Variants in ASXL3 observed in about 807,000 individuals in gnomAD.
ASXL3 encodes the protein putative Polycomb group protein ASXL3.
A neutral mutation model predicts 170.6 loss-of-function variants in ASXL3; 34 were observed. That is an observed-to-expected ratio of 0.20 (90% CI 0.15 to 0.27). The LOEUF (loss-of-function observed/expected upper bound fraction) is 0.27, where lower values mean the gene tolerates loss of function less well. Ranked by LOEUF, ASXL3 falls within the 10% of genes least tolerant of loss-of-function variation. The pLI is 1.00. For missense variants in ASXL3, 2,592 were observed against 2,695.3 expected (o/e 0.96, Z 0.85); for synonymous variants, 1,002 against 989.1 (o/e 1.01, Z -0.24).
At chr18:33,614,286 A>G (rs1371213218) in intron 2 of ASXL3, 1 of 152,192 alleles carries the variant, frequency 6.6e-6, no homozygotes, top group Non-Finnish European at 1.5e-5. Context: ...TATCTTCACC[A>G]GAAGAGGATT....
At chr18:33,638,983 G>A (rs959268026) in intron 2 of ASXL3, among the ~76,000 whole-genome samples, 2 of 152,088 alleles carry the variant, frequency 1.3e-5, no homozygotes, top group Non-Finnish European at 2.9e-5. Flanking sequence ...TTGATACTGA[G>A]ATGAAAATGA....
intron 1 of ASXL3, among the ~76,000 whole-genome samples, chr18:33,599,044 A>T (rs1213730540): frequency 1.3e-5 from 2 of 152,164 alleles, no homozygotes; most frequent in African/African-American, 2.4e-5. Flanking sequence ...ACTGCATTTT[A>T]AAAAAGAGAA....
intron 4 of ASXL3, among the ~76,000 whole-genome samples, chr18:33,656,460 G>A (rs1466677776): frequency 1.3e-5 from 2 of 152,074 alleles, no homozygotes; most frequent in Non-Finnish European, 2.9e-5. Flanking sequence ...GGGACAGAGA[G>A]CAATTAATAG....
At chr18:33,719,314 C>T (rs1179631033) in intron 8 of ASXL3, among the ~76,000 whole-genome samples, 6 of 151,912 alleles carry the variant, frequency 3.9e-5, no homozygotes, top group East Asian at 1.9e-4. Context: ...ATAAATGCCT[C>T]GGAGAGTCCT....
intron 1 of ASXL3, among the ~76,000 whole-genome samples, chr18:33,580,686 C>T (rs1372939888): frequency 3.9e-5 from 6 of 152,086 alleles, no homozygotes; most frequent in African/African-American, 1.4e-4. Context: ...ATTTCTAAGT[C>T]ACAGGTTTTT....
chr18:33,733,928 T>A (rs2067497023), intron 9 of ASXL3, among the ~76,000 whole-genome samples: 1 of 152,156 alleles, frequency 6.6e-6, no homozygotes, highest in South Asian at 2.1e-4. Flanking sequence ...TTATTATGGC[T>A]TATACAGGGC....
In ASXL3 at chr18:33,747,910, A is replaced by T. The variant is rs1179218368; in HGVS notation, c.*1315A>T. On this transcript the variant is annotated 3_prime_UTR_variant, in exon 12 of 12. Transcript: ENST00000269197. ...GTGTTGAGTATTTGAGCTACATTCC[A>T]TATATTTTGGCCACCCTCATACCAG... 1 of 152,172 alleles carries T rather than the reference A, an allele frequency of 6.6e-6. No homozygotes were observed. Among genetic ancestry groups the T allele is most frequent in the Non-Finnish European group, 1.5e-5 (1 of 68,042 alleles). 9.4% of individuals were successfully genotyped at this position (152,172 alleles called of 1,614,324 possible).
At chr18:33,614,001 G>T (rs899732717) in intron 2 of ASXL3, among the ~76,000 whole-genome samples, 1 of 152,108 alleles carries the variant, frequency 6.6e-6, no homozygotes, top group African/African-American at 2.4e-5. Context: ...TTGTCTTGAT[G>T]TTGATGGCTG....
intron 4 of ASXL3, among the ~76,000 whole-genome samples, chr18:33,658,262 A>G (rs1355324735): frequency 6.6e-6 from 1 of 152,166 alleles, no homozygotes; most frequent in Non-Finnish European, 1.5e-5. Flanking sequence ...GCAACTGTTT[A>G]AAATGAGTCC....
chr18:33,633,915 A>G (rs1318065993), intron 2 of ASXL3, among the ~76,000 whole-genome samples: 1 of 152,130 alleles, frequency 6.6e-6, no homozygotes, highest in African/African-American at 2.4e-5. Context: ...AAAGAATTCT[A>G]TAGAATATTA....
intron 4 of ASXL3, among the ~76,000 whole-genome samples, chr18:33,646,891 G>C (rs78550341): frequency 7.6e-6 from 1 of 132,188 alleles, no homozygotes; most frequent in Non-Finnish European, 1.6e-5. Context: ...GGGGGGGGGG[G>C]GCATTTTTCA....
Position 33,739,039 on chromosome 18 carries a change from T to C in ASXL3, c.1635T>C (p.Pro545=). ...TAGAAGTCTGTGACTCTCTTATTCCTTCCACTTCATCTATGACTCATGTCA... is the reference window on the plus strand; with the variant it reads ...TAGAAGTCTGTGACTCTCTTATTCCCTCCACTTCATCTATGACTCATGTCA... The part of the protein sequence containing the change: ...DQLEVCDSLI[P]STSSMTHVSD... Residue 545 remains proline, a synonymous_variant, in exon 11 of 12, where the codon CCT becomes CCC. Coordinates refer to ENST00000269197, the MANE Select transcript of ASXL3 (RefSeq NM_030632.3). The C allele has an allele frequency of 1.2e-6, 2 of 1,613,476 alleles. No homozygotes were observed. Among genetic ancestry groups the C allele is most frequent in the Non-Finnish European group, 1.7e-6 (2 of 1,179,662 alleles).
At chr18:33,700,107 T>A (rs1346380089) in intron 8 of ASXL3, among the ~76,000 whole-genome samples, 1 of 152,108 alleles carries the variant, frequency 6.6e-6, no homozygotes, top group Non-Finnish European at 1.5e-5. Context: ...TAGGGGTAAC[T>A]GGAACAGCAT....
intron 2 of ASXL3, among the ~76,000 whole-genome samples, chr18:33,641,981 TTAAAAA>T (rs751138621): frequency 1.3e-5 from 2 of 151,994 alleles, no homozygotes; most frequent in Non-Finnish European, 2.9e-5. Flanking sequence ...GTTGAATAAA[TTAAAAA>T]TAAGAACCAT....
chr18:33,591,686 G>T (rs2065079520), intron 1 of ASXL3, among the ~76,000 whole-genome samples: 1 of 150,874 alleles, frequency 6.6e-6, no homozygotes, highest in Non-Finnish European at 1.5e-5. Context: ...CTGTCGCCCA[G>T]GCTGGAGTGC....
intron 4 of ASXL3, among the ~76,000 whole-genome samples, chr18:33,648,277 GTGT>G (rs1159795691): frequency 6.6e-6 from 1 of 152,076 alleles, no homozygotes; most frequent in Non-Finnish European, 1.5e-5. Flanking sequence ...TAGAGGAGAG[GTGT>G]TGTTGATTTG....
intron 8 of ASXL3, among the ~76,000 whole-genome samples, chr18:33,687,218 G>T (rs1322051115): frequency 6.6e-6 from 1 of 152,076 alleles, no homozygotes; most frequent in Non-Finnish European, 1.5e-5. Context: ...CTCAAGGTGG[G>T]CTCAACCCTC....
chr18:33,594,928 G>A (rs2065111977), intron 1 of ASXL3, among the ~76,000 whole-genome samples: 1 of 152,042 alleles, frequency 6.6e-6, no homozygotes, highest in Non-Finnish European at 1.5e-5. Context: ...ATTGAGTATA[G>A]TAAATCAGGC....
At chr18:33,597,273 TG>T (rs1890228438) in intron 1 of ASXL3, among the ~76,000 whole-genome samples, 1 of 152,106 alleles carries the variant, frequency 6.6e-6, no homozygotes, top group Non-Finnish European at 1.5e-5. Context: ...GTGGTGTACA[TG>T]TATATGTACA....
Sources: allele counts gnomAD v4.1 joint callset (sites outside exome capture counted in the v4.1 genomes callset), GRCh38; gene constraint gnomAD v4.1.1; transcripts MANE v1.5; gene names NCBI Gene and HGNC (gene_info 2026-07-23, HGNC 2026-07-21).